Variants in ZIC5 observed in about 807,000 individuals in gnomAD.
ZIC5 encodes zinc finger protein ZIC 5.
Under a neutral mutation model 28.5 loss-of-function variants are expected in ZIC5, and 20 were observed. The observed-to-expected ratio is 0.70, with a 90% CI of 0.49 to 1.02. The LOEUF (loss-of-function observed/expected upper bound fraction) is 1.02, where lower values mean the gene tolerates loss of function less well. Ranked by LOEUF, ZIC5 falls within the 50% of genes least tolerant of loss-of-function variation. The pLI is 0.00. For synonymous variants in ZIC5, 488 were observed against 410.4 expected (o/e 1.19, Z -2.29); for missense variants, 951 against 899.7 (o/e 1.06, Z -0.73).
chr13:99,966,245 GAAGT>G (rs2053099293), intron 1 of ZIC5, among the ~76,000 whole-genome samples: 1 of 152,222 alleles, frequency 6.6e-6, no homozygotes, highest in African/African-American at 2.4e-5. Flanking sequence ...GCCACAGGCG[GAAGT>G]AAGCGTATAA....
At chr13:99,970,070 G>C in intron 1 of ZIC5, 57 bp downstream of exon 1, 1 of 1,599,958 alleles carries the variant, frequency 6.3e-7, no homozygotes, top group Non-Finnish European at 8.5e-7. Context: ...GGCGGAAGCG[G>C]CGGCGGCGCA....
Position 99,971,100 on chromosome 13 carries a change from G to T in ZIC5, c.504C>A (p.Gly168=). Residue 168 remains glycine (G), a synonymous_variant, in exon 1 of 2, where the codon GGC becomes GGA. Coordinates refer to ENST00000267294, the MANE Select transcript of ZIC5 (RefSeq NM_033132.5). The stretch of plus-strand genomic sequence containing the variant: ...TCCGGAGGACGAAGTCCCTGCTGTG[G>T]CCTTTGCCGCTGCTGCCGCCGCCGC... ...NSGGGGSSGK[G]HSRDFVLRRD... is the part of the protein sequence containing the mutation. 3 of 1,438,260 alleles carry T rather than the reference G, an allele frequency of 2.1e-6. No homozygotes were observed. Among genetic ancestry groups the T allele is most frequent in the Non-Finnish European group, 2.7e-6 (3 of 1,105,732 alleles). The allele number at this position is 1,438,260 out of a possible 1,614,324, so 89.1% of individuals were successfully genotyped here.
chr13:99,969,238 G>T (rs558507895), intron 1 of ZIC5, among the ~76,000 whole-genome samples: 1 of 152,140 alleles, frequency 6.6e-6, no homozygotes, highest in African/African-American at 2.4e-5. Context: ...CGACGCCGGT[G>T]GCTCCCCACC....
chr13:99,971,909 C>G, upstream of ZIC5: 1 of 569,526 alleles, frequency 1.8e-6, no homozygotes, highest in Non-Finnish European at 3.0e-6. Flanking sequence ...GGATTCGCCC[C>G]CGTGCTTGCG....
chr13:99,967,407 G>A (rs542383567), intron 1 of ZIC5, among the ~76,000 whole-genome samples: 1 of 152,304 alleles, frequency 6.6e-6, no homozygotes. Context: ...CTGTAGATGA[G>A]CTTTAACAAA....
At position 99,967,293 on chromosome 13, in the gene ZIC5, T is replaced by A. The variant is rs1280728727; in HGVS notation, c.1478-1474A>T. Among the ~76,000 whole-genome samples the A allele has an allele frequency of 2.6e-5, 4 of 152,224 alleles. No individual in the cohort carries two copies. In the East Asian group the frequency reaches 7.7e-4, roughly 29 times the overall value. ...GAATTTAACTTTCCCTACCTGGAAA[T>A]ACTGTTTAAAAACAGAATTAGACAT... is the stretch of plus-strand genomic sequence containing the variant. On this transcript the variant is annotated intron_variant, in intron 1 of 1. Transcript: ENST00000267294.
Position 99,971,237 on chromosome 13 carries a change from G to C in ZIC5, c.367C>G (p.Pro123Ala). The change falls in exon 1 of 2, where the codon CCC (proline) becomes GCC (alanine). Residue 123 changes from proline to alanine, a missense_variant. Pro to Ala is a conservative substitution (Grantham distance 27, BLOSUM62 -1). Coordinates refer to ENST00000267294, the MANE Select transcript of ZIC5 (RefSeq NM_033132.5). ...GGGGCTGGGGGCGGGGGCGCGGAGG[G>C]CTGCGCGCCACTGCTGCCCCCGCCG... ...PCGGGSSGAQ[P>A]SAPPPPAPPL... The C allele has an allele frequency of 7.6e-7, 1 of 1,313,228 alleles. No homozygotes were observed. The highest frequency in any genetic ancestry group is 9.6e-7 in the Non-Finnish European group (1 of 1,039,058). The allele number at this position is 1,313,228 out of a possible 1,614,324, so 81.3% of individuals were successfully genotyped here.
chr13:99,970,702 T>G lies in ZIC5; in HGVS notation c.902A>C (p.His301Pro). The change falls in exon 1 of 2, where the codon CAC (histidine) becomes CCC (proline). Residue 301 changes from histidine to proline, a missense_variant. Transcript: ENST00000267294. The stretch of plus-strand genomic sequence containing the variant: ...GTTTAAGTTCACGGCTCCGTAGCCG[T>G]GCAGGGCGGCCGCCGCTGCGGCCGC... ...AVAAAAAAAL[H>P]GYGAVNLNLN... 8.5e-7 allele frequency: 1 copy of G among 1,179,948 alleles called. No individual in the cohort carries two copies. 73.1% of individuals were successfully genotyped at this position (1,179,948 alleles called of 1,614,324 possible). A position where few individuals can be genotyped will look rare whatever the true frequency, so the allele number is the denominator to read the frequency against.
intron 1 of ZIC5, among the ~76,000 whole-genome samples, chr13:99,969,048 ATC>A (rs2053124143): frequency 6.6e-6 from 1 of 152,234 alleles, no homozygotes; most frequent in Non-Finnish European, 1.5e-5. Flanking sequence ...GGGTAATCGT[ATC>A]TGTCCCTATA....
Position 99,970,370 on chromosome 13 carries a change from C to T in ZIC5, c.1234G>A (p.Gly412Ser). The T allele has an allele frequency of 6.4e-7, 1 of 1,570,228 alleles. No individual in the cohort carries two copies. The highest frequency in any genetic ancestry group is 8.6e-7 in the Non-Finnish European group (1 of 1,160,478). The change falls in exon 1 of 2, where the codon GGC becomes AGC. Residue 412 changes from glycine (G) to serine (S), a missense_variant. Around this residue, in one of 3 missense-constraint regions of ZIC5, gnomAD observed 784 missense variants for 660.1 expected, o/e 1.19. Transcript: ENST00000267294. Reference sequence around the variant, plus strand: ...TGATTCACCAGCTCGTGCATGGTGCCGAAAGTTTTGGAGCAGGGCTTGGCG... The same window carrying T: ...TGATTCACCAGCTCGTGCATGGTGCTGAAAGTTTTGGAGCAGGGCTTGGCG... ...GGAKPCSKTF[G>S]TMHELVNHVT...
Position 99,970,605 on chromosome 13 carries a change from G to C in ZIC5, c.999C>G (p.Pro333=), listed in dbSNP as rs1462799004. Residue 333 remains proline (P), a synonymous_variant, in exon 1 of 2, where the codon CCC becomes CCG. Transcript: ENST00000267294. ...GCGCCGGCGGCGGCGGCGGCGCCGG[G>C]GGCGGCGCGTGGTGCTGCAGGTGGG... ...PGPHLQHHAP[P]PAPPPPPAPA... is the part of the protein sequence containing the mutation. 12 of 1,004,274 alleles carry C rather than the reference G, an allele frequency of 1.2e-5. No individual in the cohort carries two copies. The highest frequency in any genetic ancestry group is 9.7e-4 in the Middle Eastern group (2 of 2,054). 62.2% of individuals were successfully genotyped at this position (1,004,274 alleles called of 1,614,324 possible). A position where few individuals can be genotyped will look rare whatever the true frequency, so the allele number is the denominator to read the frequency against.
chr13:99,970,040 G>C, intron 1 of ZIC5, 87 bp downstream of exon 1: 2 of 1,555,050 alleles, frequency 1.3e-6, no homozygotes, highest in Non-Finnish European at 1.8e-6. Context: ...AAGGCGAGCA[G>C]GAGGAGGAGG....
intron 1 of ZIC5, among the ~76,000 whole-genome samples, 165 bp downstream of exon 1, chr13:99,969,962 A>G (rs1008433032): frequency 6.6e-6 from 1 of 150,990 alleles, no homozygotes; most frequent in Non-Finnish European, 1.5e-5. Flanking sequence ...GGGGGGAGAG[A>G]AAAAAAAAGA....
At chr13:99,968,889 G>C (rs2053122641) in intron 1 of ZIC5, among the ~76,000 whole-genome samples, 1 of 152,162 alleles carries the variant, frequency 6.6e-6, no homozygotes, top group Non-Finnish European at 1.5e-5. Flanking sequence ...TCCCGCCTCG[G>C]GCCACCCCGA....
At chr13:99,968,128 A>G (rs1032480445) in intron 1 of ZIC5, among the ~76,000 whole-genome samples, 1 of 152,206 alleles carries the variant, frequency 6.6e-6, no homozygotes, top group African/African-American at 2.4e-5. Flanking sequence ...CCTTTGATCA[A>G]TCCGTTCCGG....
Position 99,971,395 on chromosome 13 carries a change from T to A in ZIC5, c.209A>T (p.Glu70Val). The A allele has an allele frequency of 6.6e-7, 1 of 1,512,410 alleles. No individual in the cohort carries two copies. The highest frequency in any genetic ancestry group is 8.8e-7 in the Non-Finnish European group (1 of 1,137,080). 93.7% of individuals were successfully genotyped at this position (1,512,410 alleles called of 1,614,324 possible). Residue 70 changes from glutamate to valine, a missense_variant, in exon 1 of 2, where the codon GAG becomes GTG. Glu to Val is a moderately radical substitution (Grantham distance 121, BLOSUM62 -2). Transcript: ENST00000267294. ...CAGCGTGCTCGCCTGGGCCATGTGC[T>A]CGGGTCCGAGCGGAGTGGTGGCCAC... is the stretch of plus-strand genomic sequence containing the variant. Reference protein sequence around the residue: ...PGVATTPLGPEHMAQASTLGL... With the variant: ...PGVATTPLGPVHMAQASTLGL...
chr13:99,970,422 C>T lies in ZIC5; in HGVS notation c.1182G>A (p.Pro394=), dbSNP rs201752549. 0.026 allele frequency: 24,739 copies of T among 954,974 alleles called. 269 individuals carry two copies. Among genetic ancestry groups the T allele is most frequent in the Middle Eastern group, 0.035 (73 of 2,060 alleles). The allele number at this position is 954,974 out of a possible 1,614,324, so 59.2% of individuals were successfully genotyped here. ...GLPPPPPPPP[P]PPPPPPAGGA... is the part of the protein sequence containing the mutation. ...CGCCGGCCGGGGGCGGTGGCGGCGG[C>T]GGCGGCGGCGGCGGCGGCGGCGGCG... The change falls in exon 1 of 2, where the codon CCG becomes CCA. Residue 394 remains proline, a synonymous_variant. Coordinates refer to ENST00000267294, the MANE Select transcript of ZIC5 (RefSeq NM_033132.5).
chr13:99,968,434 G>GC (rs963938961), intron 1 of ZIC5, among the ~76,000 whole-genome samples: 143 of 151,588 alleles, frequency 9.4e-4, no homozygotes, highest in East Asian at 8.0e-3. Context: ...GGTCCCCCGC[G>GC]CCCCCCCCGA....
intron 1 of ZIC5, among the ~76,000 whole-genome samples, chr13:99,969,447 G>A (rs574488931): frequency 3.3e-5 from 5 of 151,856 alleles, no homozygotes; most frequent in African/African-American, 9.6e-5. Context: ...TGCACGCGCA[G>A]GAGGATATGA....
Sources: gnomAD v4.1 joint callset for allele counts (sites outside exome capture counted in the v4.1 genomes callset) on GRCh38, gnomAD v4.1.1 for gene constraint, gnomAD v4.1.1 regional missense constraint, MANE v1.5 for transcripts, NCBI Gene and HGNC (gene_info 2026-07-23, HGNC 2026-07-21) for gene names.